Variants in NRG1 observed in about 807,000 individuals in gnomAD.
NRG1 encodes the protein pro-neuregulin-1, membrane-bound isoform.
Under a neutral mutation model 63.8 loss-of-function variants are expected in NRG1, and 18 were observed. The ratio of observed to expected loss-of-function variants is 0.28; its 90% CI spans 0.19 to 0.42. The LOEUF (loss-of-function observed/expected upper bound fraction) is 0.42, where lower values mean the gene tolerates loss of function less well. Among genes scored for constraint, NRG1 ranks in the 10% least tolerant of loss-of-function variants. The pLI is 1.00. For missense variants in NRG1, 762 were observed against 814.7 expected, an observed-to-expected ratio of 0.94 and a Z score of 0.79; for synonymous variants, 302 against 301.3, an observed-to-expected ratio of 1.00 and a Z score of -0.02.
At chr8:32,597,660 G>C (rs1843603915) in intron 2 of NRG1, among the ~76,000 whole-genome samples, 1 of 152,080 alleles carries the variant, frequency 6.6e-6, no homozygotes, top group African/African-American at 2.4e-5. Context: ...AAAGTGTTCT[G>C]CTTTGCCTCA....
chr8:31,723,222 G>T (rs188320826), intron 1 of NRG1, among the ~76,000 whole-genome samples: 1 of 152,084 alleles, frequency 6.6e-6, no homozygotes, highest in African/African-American at 2.4e-5. Context: ...TGGTGTTCTC[G>T]TTATTTTGGG....
chr8:31,708,727 G>A (rs1324070561), intron 1 of NRG1, among the ~76,000 whole-genome samples: 2 of 152,122 alleles, frequency 1.3e-5, no homozygotes, highest in Admixed American at 6.5e-5. Flanking sequence ...TTACAGGCGT[G>A]AGCCACCGCG....
At chr8:32,130,926 A>G (rs552372042) in intron 1 of NRG1, among the ~76,000 whole-genome samples, 2 of 152,112 alleles carry the variant, frequency 1.3e-5, no homozygotes, top group East Asian at 3.9e-4. Context: ...TGCAGCTTGC[A>G]TTCATATTTT....
At chr8:31,718,584 C>T (rs1346387926) in intron 1 of NRG1, among the ~76,000 whole-genome samples, 2 of 152,278 alleles carry the variant, frequency 1.3e-5, no homozygotes, top group East Asian at 1.9e-4. Context: ...TTGTTTTTAT[C>T]TCTTGATACT....
intron 1 of NRG1, among the ~76,000 whole-genome samples, chr8:31,809,702 T>C (rs1822662819): frequency 6.6e-6 from 1 of 151,364 alleles, no homozygotes; most frequent in African/African-American, 2.4e-5. Flanking sequence ...TAGTTCATTA[T>C]TCCTATTTCA....
chr8:31,728,537 T>C (rs1474672108), intron 1 of NRG1, among the ~76,000 whole-genome samples: 1 of 152,202 alleles, frequency 6.6e-6, no homozygotes, highest in Non-Finnish European at 1.5e-5. Context: ...AAGGAACTTT[T>C]CTGCAGCATT....
chr8:32,044,495 A>G (rs1174183540), intron 1 of NRG1, among the ~76,000 whole-genome samples: 1 of 151,890 alleles, frequency 6.6e-6, no homozygotes, highest in Non-Finnish European at 1.5e-5. Context: ...AAACAATAGA[A>G]TAGGCATTCT....
At chr8:32,091,291 AAG>A (rs1491220284) in intron 1 of NRG1, among the ~76,000 whole-genome samples, 7 of 151,918 alleles carry the variant, frequency 4.6e-5, no homozygotes, top group Non-Finnish European at 4.4e-5. Context: ...AAAAAAAAAA[AAG>A]AAGTAATTGG....
intron 1 of NRG1, among the ~76,000 whole-genome samples, chr8:32,496,151 A>G (rs560291829): frequency 1.8e-4 from 28 of 152,322 alleles, no homozygotes; most frequent in African/African-American, 6.7e-4. Flanking sequence ...CCCCAGACAC[A>G]ATGTCAAATT....
chr8:32,097,185 C>A (rs1287468393), intron 1 of NRG1, among the ~76,000 whole-genome samples: 1 of 152,154 alleles, frequency 6.6e-6, no homozygotes, highest in African/African-American at 2.4e-5. Flanking sequence ...TTCATTCTTT[C>A]TTGTGGCTAA....
At chr8:32,450,729 A>G (rs1027843020) in intron 1 of NRG1, among the ~76,000 whole-genome samples, 10 of 152,184 alleles carry the variant, frequency 6.6e-5, no homozygotes, top group Admixed American at 2.6e-4. Context: ...AAATTATTTA[A>G]TAATAAAAAA....
intron 1 of NRG1, among the ~76,000 whole-genome samples, chr8:31,729,834 C>T (rs749959286): frequency 6.4e-4 from 98 of 152,064 alleles, no homozygotes; most frequent in Non-Finnish European, 2.2e-4. Context: ...TGCTGAATGA[C>T]GGTTACAAAT....
At chr8:32,038,062 G>C (rs966914468) in intron 1 of NRG1, among the ~76,000 whole-genome samples, 1 of 152,226 alleles carries the variant, frequency 6.6e-6, no homozygotes. Flanking sequence ...CTGCCCAAGT[G>C]GTCGCCCACC....
At chr8:31,856,770 G>A (rs1346116143) in intron 1 of NRG1, among the ~76,000 whole-genome samples, 1 of 152,130 alleles carries the variant, frequency 6.6e-6, no homozygotes, top group African/African-American at 2.4e-5. Flanking sequence ...TTTGATGATG[G>A]TGATGTACAG....
intron 1 of NRG1, among the ~76,000 whole-genome samples, chr8:31,767,216 T>C (rs1331269538): frequency 6.6e-6 from 1 of 152,176 alleles, no homozygotes; most frequent in Non-Finnish European, 1.5e-5. Context: ...GCTGATTTTA[T>C]AGAGAGCTCA....
At chr8:32,205,370 A>G (rs1210978235) in intron 1 of NRG1, among the ~76,000 whole-genome samples, 1 of 152,174 alleles carries the variant, frequency 6.6e-6, no homozygotes, top group African/African-American at 2.4e-5. Flanking sequence ...GTGTGTTACT[A>G]CCATCCAGGA....
intron 1 of NRG1, among the ~76,000 whole-genome samples, chr8:32,031,688 A>G (rs1227780321): frequency 1.3e-5 from 2 of 151,774 alleles, no homozygotes; most frequent in Admixed American, 1.3e-4. Context: ...TTCAGCTCCT[A>G]CTTATAAGTG....
At chr8:32,233,561 ATATT>A (rs1348617299) in intron 1 of NRG1, among the ~76,000 whole-genome samples, 6 of 59,340 alleles carry the variant, frequency 1.0e-4, no homozygotes, top group African/African-American at 4.9e-4. Context: ...ATATATATAT[ATATT>A]TTTTTTTTTT....
intron 1 of NRG1, among the ~76,000 whole-genome samples, chr8:31,934,467 C>A (rs1017481025): frequency 1.6e-5 from 2 of 127,720 alleles, no homozygotes; most frequent in African/African-American, 3.2e-5. Flanking sequence ...CTCTTGTTAC[C>A]CAGGCTAGAG....
Sources: gnomAD v4.1 joint callset for allele counts (sites outside exome capture counted in the v4.1 genomes callset) on GRCh38, gnomAD v4.1.1 for gene constraint, MANE v1.5 for transcripts, NCBI Gene and HGNC (gene_info 2026-07-23, HGNC 2026-07-21) for gene names.